PDE4D: variants seen among roughly 807,000 people sequenced by gnomAD.
PDE4D encodes 3',5'-cyclic-AMP phosphodiesterase 4D.
Under a neutral mutation model 87.4 loss-of-function variants are expected in PDE4D, and 24 were observed. That is an observed-to-expected ratio of 0.27 (90% CI 0.20 to 0.39). The LOEUF is 0.39. Ranked by LOEUF, PDE4D falls within the 10% of genes least tolerant of loss-of-function variation. The pLI is 1.00. For synonymous variants in PDE4D, 384 were observed against 383.2 expected (o/e 1.00, Z -0.02); for missense variants, 714 against 1,041.0 (o/e 0.69, Z 4.32).
chr5:58,981,767 G>A lies in PDE4D; in HGVS notation c.1553-4422C>T, dbSNP rs75023582. ...GGTGGGGTGACCGAAACCTTCATTC[G>A]TGAAGGGTATGGGTTATTAGTGGTC... On this transcript the variant is annotated intron_variant, in intron 11 of 14. Coordinates refer to ENST00000340635, the MANE Select transcript of PDE4D (RefSeq NM_001104631.2). 3.8e-3 allele frequency among the ~76,000 whole-genome samples: 582 copies of A among 152,204 alleles called. 2 individuals are homozygous for A. The highest frequency in any genetic ancestry group is 6.6e-3 in the Non-Finnish European group (451 of 68,014).
intron 6 of PDE4D, among the ~76,000 whole-genome samples, chr5:59,017,485 T>C (rs1359542869): frequency 1.3e-5 from 2 of 152,124 alleles, no homozygotes; most frequent in Non-Finnish European, 2.9e-5. Context: ...GACCAGAACA[T>C]GTAAATACAT....
intron 1 of PDE4D, among the ~76,000 whole-genome samples, chr5:59,661,018 CTGATA>C (rs1490920921): frequency 1.3e-5 from 2 of 149,538 alleles, no homozygotes; most frequent in Non-Finnish European, 3.0e-5. Context: ...GGTGGTTTTA[CTGATA>C]TATTTATAAT....
In PDE4D at chr5:59,651,626, CATTAAAAGA is replaced by C. The variant is rs569931473; in HGVS notation, c.455+241533_455+241541del. Among the ~76,000 whole-genome samples the C allele has an allele frequency of 2.7e-3, 410 of 152,136 alleles. 2 individuals are homozygous for C. The highest frequency in any genetic ancestry group is 4.6e-3 in the Admixed American group (70 of 15,278). ...AGTGTAATAATAATCCATATCTTGACATTAAAAGAATTGCTGAGTTTTATGAAAATGATT... is the reference window on the plus strand; with the variant it reads ...AGTGTAATAATAATCCATATCTTGACATTGCTGAGTTTTATGAAAATGATT... On this transcript the variant is annotated intron_variant, in intron 1 of 14. Coordinates refer to ENST00000340635, the MANE Select transcript of PDE4D (RefSeq NM_001104631.2).
chr5:59,200,711 GTATACATACATA>G (rs1747106910), intron 2 of PDE4D, among the ~76,000 whole-genome samples: 1 of 117,548 alleles, frequency 8.5e-6, no homozygotes, highest in South Asian at 2.6e-4. Flanking sequence ...ATAGATACAC[GTATACATACATA>G]TGTGTATGTA....
intron 1 of PDE4D, among the ~76,000 whole-genome samples, chr5:60,418,850 C>A (rs1167698977): frequency 6.6e-6 from 1 of 152,066 alleles, no homozygotes; most frequent in African/African-American, 2.4e-5. Flanking sequence ...TCCTCATTAA[C>A]CATCCCCCTC....
chr5:60,495,612 C>T (rs866614110), intron 1 of PDE4D, among the ~76,000 whole-genome samples: 8 of 152,218 alleles, frequency 5.3e-5, no homozygotes, highest in Admixed American at 1.3e-4. Flanking sequence ...GAATCAATCC[C>T]AACTTCATAG....
In PDE4D at chr5:58,975,954, G is replaced by T. The variant is rs1413105056; in HGVS notation, c.1831-115C>A. On this transcript the variant is annotated intron_variant, in intron 13 of 14. Transcript: ENST00000340635. This position sits in a 1 kb window ranked among gnomAD's most constrained non-coding sequence, Gnocchi z 4.2. ...TGCAACACTTAAAAATACACGTAGT[G>T]TAAGATTTATTCCAAACAGCTCAAC... 1.3e-6 allele frequency: 1 copy of T among 768,846 alleles called. No homozygotes were observed. Among genetic ancestry groups the T allele is most frequent in the Non-Finnish European group, 1.9e-6 (1 of 515,916 alleles). 47.6% of individuals were successfully genotyped at this position (768,846 alleles called of 1,614,324 possible).
intron 3 of PDE4D, among the ~76,000 whole-genome samples, chr5:59,962,984 T>C (rs904666503): frequency 3.3e-5 from 5 of 152,140 alleles, no homozygotes; most frequent in African/African-American, 1.2e-4. Flanking sequence ...ACCAGCTCTG[T>C]AAGAGAAACT....
intron 3 of PDE4D, among the ~76,000 whole-genome samples, chr5:59,923,815 C>A (rs577785787): frequency 6.6e-6 from 1 of 152,186 alleles, no homozygotes; most frequent in Non-Finnish European, 1.5e-5. Context: ...AACTCTTCAA[C>A]GCCCAGACAC....
intron 1 of PDE4D, among the ~76,000 whole-genome samples, chr5:59,636,652 G>A (rs1832287964): frequency 1.3e-5 from 2 of 152,142 alleles, no homozygotes; most frequent in Admixed American, 6.5e-5. Context: ...AAGCAATGGG[G>A]AATGGATTCC....
intron 1 of PDE4D, among the ~76,000 whole-genome samples, chr5:59,594,407 G>A (rs1252607738): frequency 7.3e-5 from 11 of 151,606 alleles, no homozygotes; most frequent in Admixed American, 4.6e-4. Flanking sequence ...TGCAACTTCC[G>A]CCTCCCGGGT....
chr5:60,066,342 T>C (rs1467305810), intron 2 of PDE4D, among the ~76,000 whole-genome samples: 2 of 152,136 alleles, frequency 1.3e-5, no homozygotes, highest in Non-Finnish European at 2.9e-5. Context: ...TTTTTTTAAA[T>C]ACTGTATTTC....
chr5:59,798,727 A>G (rs1766789846), intron 1 of PDE4D, among the ~76,000 whole-genome samples: 1 of 152,324 alleles, frequency 6.6e-6, no homozygotes, highest in South Asian at 2.1e-4. Flanking sequence ...TCTTCAAACC[A>G]TCAGTAAAGT....
At chr5:59,656,086 G>A (rs566396970) in intron 1 of PDE4D, among the ~76,000 whole-genome samples, 3 of 152,024 alleles carry the variant, frequency 2.0e-5, no homozygotes, top group East Asian at 1.9e-4. Context: ...CCACACACAC[G>A]TTTTCTATAT....
At chr5:59,983,629 GA>G (rs1444237657) in intron 3 of PDE4D, among the ~76,000 whole-genome samples, 1 of 152,048 alleles carries the variant, frequency 6.6e-6, no homozygotes, top group African/African-American at 2.4e-5. Context: ...ACTCATCGGG[GA>G]AATGTAAATT....
intron 1 of PDE4D, among the ~76,000 whole-genome samples, chr5:59,263,234 A>G (rs1417028176): frequency 6.6e-6 from 1 of 152,008 alleles, no homozygotes; most frequent in Non-Finnish European, 1.5e-5. Context: ...CCCATGATGG[A>G]GCAGGCATGG....
intron 1 of PDE4D, among the ~76,000 whole-genome samples, chr5:59,522,053 A>G (rs1032865373): frequency 2.0e-5 from 3 of 152,228 alleles, no homozygotes; most frequent in African/African-American, 7.2e-5. Context: ...ATTATAGAAC[A>G]TTGTATAATT....
chr5:59,568,446 T>C (rs918047018), intron 1 of PDE4D, among the ~76,000 whole-genome samples: 4 of 152,096 alleles, frequency 2.6e-5, no homozygotes, highest in African/African-American at 9.7e-5. Flanking sequence ...TATAACACCC[T>C]CTTAAGTGTG....
chr5:60,171,665 A>T (rs1159482525), intron 2 of PDE4D, among the ~76,000 whole-genome samples: 1 of 152,108 alleles, frequency 6.6e-6, no homozygotes, highest in Admixed American at 6.6e-5. Flanking sequence ...ATCAGAAATG[A>T]AGTATTTGGG....
Sources: gnomAD v4.1 joint callset for allele counts (sites outside exome capture counted in the v4.1 genomes callset) on GRCh38, gnomAD v4.1.1 for gene constraint, Gnocchi (gnomAD v3.1) non-coding constraint, MANE v1.5 for transcripts, NCBI Gene and HGNC (gene_info 2026-07-23, HGNC 2026-07-21) for gene names.